RCHY1: variants seen among roughly 807,000 people sequenced by gnomAD.
The protein encoded by RCHY1 is ring finger and CHY zinc finger domain containing 1, also known as RING finger and CHY zinc finger domain-containing protein 1.
In RCHY1, 21 loss-of-function variants were observed where a neutral mutation model predicts 41.6. The observed-to-expected ratio is 0.51, with a 90% CI of 0.36 to 0.73. RCHY1 has a LOEUF of 0.73. Ranked by LOEUF, RCHY1 falls within the 30% of genes least tolerant of loss-of-function variation. The pLI, the probability that RCHY1 is intolerant of heterozygous loss-of-function variation, is 0.00. For synonymous variants in RCHY1, 79 were observed against 102.9 expected (o/e 0.77, Z 1.41); for missense variants, 265 against 325.3 (o/e 0.81, Z 1.43).
chr4:75,499,031 C>G (rs1216422638), intron 3 of RCHY1, among the ~76,000 whole-genome samples: 1 of 152,032 alleles, frequency 6.6e-6, no homozygotes, highest in Non-Finnish European at 1.5e-5. Context: ...TGCAAACTAT[C>G]CACCTGACAA....
At chr4:75,487,784 AATATATATATTC>A (rs1234890369) in intron 8 of RCHY1, among the ~76,000 whole-genome samples, 644 of 41,364 alleles carry the variant, frequency 0.016, 67 homozygotes, top group East Asian at 0.044. Flanking sequence ...ATATATTCAT[AATATATATATTC>A]ATATATATAT....
intron 3 of RCHY1, among the ~76,000 whole-genome samples, chr4:75,498,481 CAAA>C (rs57789217): frequency 2.9e-5 from 2 of 68,770 alleles, no homozygotes; most frequent in Non-Finnish European, 3.3e-5. Flanking sequence ...CAATCCTGAG[CAAA>C]AAAAAAAAAA....
chr4:75,510,387 T>A (rs1430757610), intron 1 of RCHY1, among the ~76,000 whole-genome samples: 1 of 152,186 alleles, frequency 6.6e-6, no homozygotes, highest in East Asian at 1.9e-4. Context: ...ACAGCAACTT[T>A]ACCATTACAA....
At chr4:75,503,109 G>A (rs182384034) in intron 3 of RCHY1, among the ~76,000 whole-genome samples, 9 of 152,280 alleles carry the variant, frequency 5.9e-5, no homozygotes, top group South Asian at 4.1e-4. Flanking sequence ...GCAGGAAAGC[G>A]TCTTGCACAT....
chr4:75,509,103 A>G (rs192550710), intron 2 of RCHY1, 74 bp downstream of exon 2: 394 of 1,399,688 alleles, frequency 2.8e-4, no homozygotes, highest in Middle Eastern at 5.6e-4. Flanking sequence ...TATTTATGAT[A>G]CTTTTGATTA....
chr4:75,490,059 T>C (rs1198810651), intron 8 of RCHY1, among the ~76,000 whole-genome samples: 1 of 152,116 alleles, frequency 6.6e-6, no homozygotes, highest in African/African-American at 2.4e-5. Context: ...GACTCTTATC[T>C]CTCAATTTGT....
intron 1 of RCHY1, 76 bp from the exon 2 acceptor site, chr4:75,509,372 TTCC>T (rs1289909665): frequency 4.4e-6 from 6 of 1,373,476 alleles, no homozygotes; most frequent in Admixed American, 2.1e-5. Flanking sequence ...AGAAAATTTC[TTCC>T]TCCTCCTCCT....
At chr4:75,498,177 CA>C (rs1723401583) in intron 3 of RCHY1, among the ~76,000 whole-genome samples, 1 of 146,782 alleles carries the variant, frequency 6.8e-6, no homozygotes. Context: ...CACAGAAATA[CA>C]AAGATAGATA....
At chr4:75,483,533 G>A (rs1256915298) in intron 8 of RCHY1, among the ~76,000 whole-genome samples, 4 of 152,080 alleles carry the variant, frequency 2.6e-5, no homozygotes, top group Non-Finnish European at 5.9e-5. Context: ...ATAACTACAT[G>A]AATATTTTAA....
intron 1 of RCHY1, among the ~76,000 whole-genome samples, chr4:75,512,916 G>C (rs924236406): frequency 8.7e-6 from 1 of 114,582 alleles, no homozygotes; most frequent in Admixed American, 8.8e-5. Flanking sequence ...GGGGGGGGGG[G>C]CGGGGGAAGG....
chr4:75,512,609 G>C (rs770473576), intron 1 of RCHY1, among the ~76,000 whole-genome samples: 1 of 152,064 alleles, frequency 6.6e-6, no homozygotes, highest in Non-Finnish European at 1.5e-5. Context: ...CTCTCTTAAA[G>C]AGGAAAAAAT....
At chr4:75,504,369 TCCTC>T (rs1468599875) in intron 3 of RCHY1, among the ~76,000 whole-genome samples, 7 of 152,122 alleles carry the variant, frequency 4.6e-5, no homozygotes, top group Non-Finnish European at 7.4e-5. Context: ...TCTCTCTTCT[TCCTC>T]CCTCTTTTCA....
rs554578154 is a variant in RCHY1 at position 75,480,670 on chromosome 4, A to G, written c.*1868T>C. On this transcript the variant is annotated 3_prime_UTR_variant, in exon 9 of 9. Coordinates refer to ENST00000324439, the MANE Select transcript of RCHY1 (RefSeq NM_015436.4). ...TCCAATGATTCAATGATTAAAAACA[A>G]TAACATGATTGGTTTGGCAGAATAA... is the stretch of plus-strand genomic sequence containing the variant. The G allele has an allele frequency of 6.6e-6, 1 of 152,346 alleles. No individual in the cohort carries two copies. The highest frequency in any genetic ancestry group is 2.1e-4 in the South Asian group (1 of 4,826). 9.4% of individuals were successfully genotyped at this position (152,346 alleles called of 1,614,324 possible). A position where few individuals can be genotyped will look rare whatever the true frequency, so the allele number is the denominator to read the frequency against.
chr4:75,482,803 TTTC>T (rs1332172777), intron 8 of RCHY1, 137 bp from the exon 9 acceptor site: 17 of 542,604 alleles, frequency 3.1e-5, no homozygotes, highest in East Asian at 7.2e-5. Context: ...AAAGTAGAAA[TTTC>T]TTCTTATTTT....
chr4:75,486,786 C>A (rs183423942), intron 8 of RCHY1, among the ~76,000 whole-genome samples: 28 of 152,208 alleles, frequency 1.8e-4, no homozygotes, highest in Non-Finnish European at 3.4e-4. Context: ...TGAGACCAGC[C>A]TGGCCAATAC....
Position 75,482,365 on chromosome 4 carries a change from G to C in RCHY1, c.*173C>G. 2.2e-6 allele frequency: 1 copy of C among 449,276 alleles called. No individual in the cohort carries two copies. Among genetic ancestry groups the C allele is most frequent in the South Asian group, 7.3e-5 (1 of 13,768 alleles). 27.8% of individuals were successfully genotyped at this position (449,276 alleles called of 1,614,324 possible). A position where few individuals can be genotyped will look rare whatever the true frequency, so the allele number is the denominator to read the frequency against. On this transcript the variant is annotated 3_prime_UTR_variant, in exon 9 of 9. Transcript: ENST00000324439. ...TTCATTCAATATAGAGCTATGATAAGTCTATCAAGAGACCCTGAATCCTTA... is the reference window on the plus strand; with the variant it reads ...TTCATTCAATATAGAGCTATGATAACTCTATCAAGAGACCCTGAATCCTTA...
At chr4:75,487,644 TATATATTCATAATATATATATTC>T (rs1722252950) in intron 8 of RCHY1, among the ~76,000 whole-genome samples, 1 of 50,574 alleles carries the variant, frequency 2.0e-5, no homozygotes, top group African/African-American at 1.2e-4. Flanking sequence ...TATATATTCA[TATATATTCATAATATATATATTC>T]ATATATATTC....
intron 8 of RCHY1, among the ~76,000 whole-genome samples, chr4:75,486,771 G>C (rs1245719966): frequency 6.6e-6 from 1 of 152,118 alleles, no homozygotes; most frequent in Non-Finnish European, 1.5e-5. Context: ...ACAAGGTCAG[G>C]AGTTTGAGAC....
chr4:75,484,034 A>C (rs1721773002), intron 8 of RCHY1, among the ~76,000 whole-genome samples: 1 of 152,218 alleles, frequency 6.6e-6, no homozygotes, highest in Non-Finnish European at 1.5e-5. Flanking sequence ...CAAATAAAGA[A>C]AGTCAAGACC....
Sources: gnomAD v4.1 joint callset for allele counts (sites outside exome capture counted in the v4.1 genomes callset) on GRCh38, gnomAD v4.1.1 for gene constraint, MANE v1.5 for transcripts, NCBI Gene and HGNC (gene_info 2026-07-23, HGNC 2026-07-21) for gene names.